The following RUFY2 variants were observed in gnomAD, a reference collection of about 807,000 sequenced individuals.
RUFY2 encodes the protein RUN and FYVE domain-containing protein 2.
RUFY2 carries 49 observed loss-of-function variants against 94.4 expected under a neutral mutation model. The ratio of observed to expected loss-of-function variants is 0.52; its 90% CI spans 0.41 to 0.66. The LOEUF is 0.66. Among genes scored for constraint, RUFY2 ranks in the 30% least tolerant of loss-of-function variants. The pLI is 0.00. For missense variants in RUFY2, 541 were observed against 692.8 expected (o/e 0.78, Z 2.46); for synonymous variants, 255 against 235.7 (o/e 1.08, Z -0.75).
chr10:68,398,241 G>A (rs913280611), intron 3 of RUFY2, among the ~76,000 whole-genome samples: 8 of 152,066 alleles, frequency 5.3e-5, no homozygotes, highest in Non-Finnish European at 1.0e-4. Flanking sequence ...AGGGTGCCAG[G>A]CTAGTAATTA....
Position 68,345,285 on chromosome 10 carries a change from A to G in RUFY2, c.*483T>C. 1 of 219,934 alleles carries G rather than the reference A, an allele frequency of 4.5e-6. No individual in the cohort carries two copies. Among genetic ancestry groups the G allele is most frequent in the Non-Finnish European group, 8.8e-6 (1 of 113,190 alleles). 13.6% of individuals were successfully genotyped at this position (219,934 alleles called of 1,614,324 possible). On this transcript the variant is annotated 3_prime_UTR_variant, in exon 18 of 18. Coordinates refer to ENST00000602465, the MANE Select transcript of RUFY2 (RefSeq NM_001330103.2). ...ATGCAAGAGGCAAAGGGAGAGGGGG[A>G]GAAGAAAGGGCAAATAAATATAGTT...
intron 13 of RUFY2, among the ~76,000 whole-genome samples, chr10:68,364,747 G>A (rs1392207502): frequency 1.3e-5 from 2 of 150,980 alleles, no homozygotes; most frequent in African/African-American, 2.4e-5. Context: ...CTGAGACAGG[G>A]TCTTGCTATG....
chr10:68,396,684 G>A (rs1303051122), intron 4 of RUFY2, 96 bp downstream of exon 4: 3 of 720,358 alleles, frequency 4.2e-6, no homozygotes, highest in Non-Finnish European at 6.8e-6. Context: ...TTTATTATAT[G>A]TTATATATCC....
rs931016879 is a variant in RUFY2 at position 68,399,417 on chromosome 10, T to C, written c.296+2203A>G. 1.3e-5 allele frequency among the ~76,000 whole-genome samples: 2 copies of C among 152,194 alleles called. 1 individual carries two copies. The highest frequency in any genetic ancestry group is 1.3e-4 in the Admixed American group (2 of 15,274). ...CTTTTTAACTATAATTTATCTGGCA[T>C]TTATTTTTCACATCTATACAATTAT... On this transcript the variant is annotated intron_variant, in intron 3 of 17. Transcript: ENST00000602465.
At chr10:68,399,137 G>A (rs896833338) in intron 3 of RUFY2, among the ~76,000 whole-genome samples, 2 of 151,842 alleles carry the variant, frequency 1.3e-5, no homozygotes, top group African/African-American at 2.4e-5. Flanking sequence ...TCTGCCTCCT[G>A]GGTTCAAGCA....
chr10:68,358,284 GAT>G (rs2047194707), intron 15 of RUFY2, among the ~76,000 whole-genome samples: 2 of 152,144 alleles, frequency 1.3e-5, no homozygotes, highest in South Asian at 4.1e-4. Flanking sequence ...TGAATCAAAT[GAT>G]ATATCAGATA....
At chr10:68,356,302 G>T (rs2047050772) in intron 15 of RUFY2, among the ~76,000 whole-genome samples, 1 of 151,938 alleles carries the variant, frequency 6.6e-6, no homozygotes, top group Admixed American at 6.6e-5. Flanking sequence ...TCAGGAGTTC[G>T]AGACCAGCCT....
intron 8 of RUFY2, 47 bp from the exon 9 acceptor site, chr10:68,384,199 T>A: frequency 6.4e-7 from 1 of 1,553,074 alleles, no homozygotes; most frequent in Non-Finnish European, 8.6e-7. Context: ...AACACCCTTA[T>A]ACTTGCTTTG....
intron 16 of RUFY2, among the ~76,000 whole-genome samples, chr10:68,348,987 T>C (rs969809153): frequency 7.3e-6 from 1 of 137,000 alleles, no homozygotes; most frequent in African/African-American, 2.6e-5. Flanking sequence ...CTAGATAGGA[T>C]ACTACAGGAT....
rs369171802 is a variant in RUFY2 at position 68,374,866 on chromosome 10, CCT to C, written c.1325+1985_1325+1986del. Among the ~76,000 whole-genome samples, 766 of 152,120 alleles carry C rather than the reference CCT, an allele frequency of 5.0e-3. 9 individuals carry two copies. Among genetic ancestry groups the C allele is most frequent in the African/African-American group, 0.017 (723 of 41,512 alleles). On this transcript the variant is annotated intron_variant, in intron 13 of 17. Coordinates refer to ENST00000602465, the MANE Select transcript of RUFY2 (RefSeq NM_001330103.2). The stretch of plus-strand genomic sequence containing the variant: ...GTTTATAAAATAAAACTAAAATGCC[CCT>C]GTCAACCTCAACCTGCCAGCATTCA...
chr10:68,369,015 C>G (rs531329504), intron 13 of RUFY2, among the ~76,000 whole-genome samples: 1 of 152,286 alleles, frequency 6.6e-6, no homozygotes, highest in Non-Finnish European at 1.5e-5. Context: ...GATTTCTACT[C>G]TTGCCTGGCA....
intron 11 of RUFY2, 98 bp from the exon 12 acceptor site, chr10:68,379,619 G>T: frequency 1.3e-6 from 1 of 780,816 alleles, no homozygotes; most frequent in Non-Finnish European, 2.0e-6. Flanking sequence ...GTATCACTAT[G>T]CAGCCCAGGT....
intron 12 of RUFY2, chr10:68,377,190 GA>G (rs2048735535): frequency 7.2e-7 from 1 of 1,388,854 alleles, no homozygotes; most frequent in Admixed American, 3.3e-5. Flanking sequence ...AGTATGCCCA[GA>G]ATACTATCTT....
downstream of RUFY2, chr10:68,341,754 T>A: frequency 6.3e-7 from 1 of 1,596,452 alleles, no homozygotes; most frequent in Non-Finnish European, 8.5e-7. Context: ...TTTTTCTTTT[T>A]AAAGATAATC....
intron 10 of RUFY2, among the ~76,000 whole-genome samples, chr10:68,383,227 A>T (rs2049218092): frequency 1.3e-5 from 2 of 152,158 alleles, no homozygotes; most frequent in Non-Finnish European, 1.5e-5. Context: ...TGGGAGGCTG[A>T]GGTACAAGAA....
intron 3 of RUFY2, among the ~76,000 whole-genome samples, chr10:68,399,943 G>A (rs2050687259): frequency 6.6e-6 from 1 of 151,992 alleles, no homozygotes; most frequent in Admixed American, 6.6e-5. Flanking sequence ...CACCACACCG[G>A]CTAATTTTGT....
intron 13 of RUFY2, among the ~76,000 whole-genome samples, chr10:68,367,740 C>CCCTG (rs1246067528): frequency 1.5e-5 from 2 of 135,448 alleles, no homozygotes; most frequent in Non-Finnish European, 3.2e-5. Flanking sequence ...CTCCCTCCCT[C>CCCTG]TCTCTCTCTC....
intron 7 of RUFY2, among the ~76,000 whole-genome samples, chr10:68,391,603 T>C (rs1564839409): frequency 7.0e-6 from 1 of 142,126 alleles, no homozygotes; most frequent in Admixed American, 7.5e-5. Flanking sequence ...AGCTTGATCA[T>C]GCCACTGCCC....
chr10:68,360,164 G>A (rs988987253), intron 15 of RUFY2, among the ~76,000 whole-genome samples: 5 of 152,080 alleles, frequency 3.3e-5, no homozygotes, highest in Non-Finnish European at 5.9e-5. Flanking sequence ...GCCAGGTGTG[G>A]TGGCTCAAGC....
Sources: allele counts gnomAD v4.1 joint callset (sites outside exome capture counted in the v4.1 genomes callset), GRCh38; gene constraint gnomAD v4.1.1; transcripts MANE v1.5; gene names NCBI Gene and HGNC (gene_info 2026-07-23, HGNC 2026-07-21).